Variants in GTF2F2 observed in about 807,000 individuals in gnomAD.
GTF2F2 encodes ATP-dependent helicase GTF2F2.
Under a neutral mutation model 42.2 loss-of-function variants are expected in GTF2F2, and 23 were observed. The ratio of observed to expected loss-of-function variants is 0.55; its 90% CI spans 0.39 to 0.77. The LOEUF (loss-of-function observed/expected upper bound fraction) is 0.77. Ranked by LOEUF, GTF2F2 falls within the 30% of genes least tolerant of loss-of-function variation. The probability of loss-of-function intolerance (pLI) is 0.00; values close to 1 mark genes in which losing one functional copy is unlikely to be tolerated. For synonymous variants in GTF2F2, 105 were observed against 100.8 expected, an observed-to-expected ratio of 1.04 and a Z score of -0.25; for missense variants, 261 against 287.2, an observed-to-expected ratio of 0.91 and a Z score of 0.66.
intron 2 of GTF2F2, among the ~76,000 whole-genome samples, chr13:45,143,081 G>A (rs1870010893): frequency 6.9e-6 from 1 of 144,582 alleles, no homozygotes; most frequent in African/African-American, 2.8e-5. Context: ...AGTGAGACTA[G>A]GATAATCAGA....
chr13:45,127,089 G>A (rs975738470), intron 1 of GTF2F2, among the ~76,000 whole-genome samples: 4 of 152,074 alleles, frequency 2.6e-5, no homozygotes, highest in Non-Finnish European at 5.9e-5. Flanking sequence ...GACTTAATAG[G>A]CCGGGACTTC....
At chr13:45,210,808 G>A (rs557463940) in intron 5 of GTF2F2, among the ~76,000 whole-genome samples, 1 of 152,284 alleles carries the variant, frequency 6.6e-6, no homozygotes, top group South Asian at 2.1e-4. Context: ...AGGAGATATG[G>A]AAAAATTTTA....
At position 45,283,605 on chromosome 13, in the gene GTF2F2, G is replaced by T; in HGVS notation, c.*44G>T. 1 of 1,539,006 alleles carries T rather than the reference G, an allele frequency of 6.5e-7. No homozygotes were observed. Among genetic ancestry groups the T allele is most frequent in the Middle Eastern group, 1.7e-4 (1 of 5,720 alleles). ...TGCTAGTGAAACGACTAGCAGCGAT[G>T]CTATGCAAAAGGCGCTGATACTGGA... On this transcript the variant is annotated 3_prime_UTR_variant, in exon 8 of 8. Coordinates refer to ENST00000340473, the MANE Select transcript of GTF2F2 (RefSeq NM_004128.3).
At chr13:45,232,943 T>C (rs1476528533) in intron 5 of GTF2F2, among the ~76,000 whole-genome samples, 2 of 152,246 alleles carry the variant, frequency 1.3e-5, no homozygotes, top group Non-Finnish European at 2.9e-5. Context: ...GTTTCAAGAA[T>C]CTGATCTAAT....
chr13:45,270,457 C>T (rs1428153109), intron 7 of GTF2F2, among the ~76,000 whole-genome samples: 1 of 152,080 alleles, frequency 6.6e-6, no homozygotes, highest in East Asian at 1.9e-4. Flanking sequence ...CTTTTTACAT[C>T]GCTTAGTGAG....
At chr13:45,268,570 C>CCT (rs1306608700) in intron 7 of GTF2F2, among the ~76,000 whole-genome samples, 2 of 151,954 alleles carry the variant, frequency 1.3e-5, no homozygotes, top group African/African-American at 4.8e-5. Context: ...GCATCAAAGC[C>CCT]TTAGAAACAG....
At chr13:45,202,489 T>A in intron 4 of GTF2F2, among the ~76,000 whole-genome samples, 1 of 152,232 alleles carries the variant, frequency 6.6e-6, no homozygotes, top group Non-Finnish European at 1.5e-5. Context: ...AGTACTCTTG[T>A]ATGTTTCTAT....
intron 5 of GTF2F2, among the ~76,000 whole-genome samples, chr13:45,221,177 C>T (rs1157392651): frequency 6.6e-6 from 1 of 152,062 alleles, no homozygotes; most frequent in Non-Finnish European, 1.5e-5. Flanking sequence ...TCCCTGCCCC[C>T]AGTCTTACCC....
intron 1 of GTF2F2, among the ~76,000 whole-genome samples, chr13:45,123,791 ATTTTTTTT>A (rs201828514): frequency 7.3e-6 from 1 of 136,062 alleles, no homozygotes; most frequent in African/African-American, 2.8e-5. Flanking sequence ...GGAATTTTGA[ATTTTTTTT>A]TTTTTTTTTT....
chr13:45,144,168 C>T lies in GTF2F2; in HGVS notation c.141-5602C>T, dbSNP rs145290401. 5.2e-3 allele frequency among the ~76,000 whole-genome samples: 795 copies of T among 152,072 alleles called. 4 individuals carry two copies. The highest frequency in any genetic ancestry group is 0.018 in the African/African-American group (767 of 41,506). On this transcript the variant is annotated intron_variant, in intron 2 of 7. Coordinates refer to ENST00000340473, the MANE Select transcript of GTF2F2 (RefSeq NM_004128.3). Reference sequence around the variant, plus strand: ...TCGGGAGGCTGAGGCAGGAGAATCGCTTGAACCCGGGGAAGCAGAGGTTTC... The same window carrying T: ...TCGGGAGGCTGAGGCAGGAGAATCGTTTGAACCCGGGGAAGCAGAGGTTTC...
At chr13:45,260,327 A>G (rs1047333062) in intron 6 of GTF2F2, among the ~76,000 whole-genome samples, 4 of 152,222 alleles carry the variant, frequency 2.6e-5, no homozygotes, top group African/African-American at 9.6e-5. Context: ...TACATAGTAT[A>G]AGTATACTAC....
intron 5 of GTF2F2, among the ~76,000 whole-genome samples, chr13:45,230,468 G>T (rs1437699624): frequency 2.6e-5 from 4 of 152,120 alleles, no homozygotes; most frequent in Non-Finnish European, 5.9e-5. Context: ...ATACATTGAG[G>T]TACTTGGTAA....
intron 5 of GTF2F2, among the ~76,000 whole-genome samples, chr13:45,244,599 C>A (rs1159080675): frequency 6.6e-6 from 1 of 152,068 alleles, no homozygotes; most frequent in African/African-American, 2.4e-5. Context: ...TTGACTGTTT[C>A]CTTATAATAG....
chr13:45,253,092 A>T, intron 6 of GTF2F2, 122 bp downstream of exon 6: 1 of 507,994 alleles, frequency 2.0e-6, no homozygotes, highest in Non-Finnish European at 3.5e-6. Flanking sequence ...CTTGAATTAC[A>T]GTACCTGATC....
intron 5 of GTF2F2, among the ~76,000 whole-genome samples, chr13:45,251,643 A>G (rs985121371): frequency 2.0e-5 from 3 of 151,544 alleles, no homozygotes; most frequent in Non-Finnish European, 4.4e-5. Flanking sequence ...ATCGTTTTCA[A>G]TTTTTTTGCT....
chr13:45,229,951 C>T (rs927541373), intron 5 of GTF2F2, among the ~76,000 whole-genome samples: 1 of 152,058 alleles, frequency 6.6e-6, no homozygotes, highest in Admixed American at 6.6e-5. Context: ...TGCGGTGACT[C>T]ACACCTGTAA....
intron 7 of GTF2F2, 47 bp from the exon 8 acceptor site, chr13:45,283,395 C>T: frequency 1.9e-6 from 3 of 1,548,284 alleles, no homozygotes; most frequent in African/African-American, 1.4e-5. Flanking sequence ...AAGTTTTGTC[C>T]CCTGCATTTA....
chr13:45,283,368 G>A (rs917239938), intron 7 of GTF2F2, 74 bp from the exon 8 acceptor site: 1 of 1,330,950 alleles, frequency 7.5e-7, no homozygotes, highest in Non-Finnish European at 1.0e-6. Flanking sequence ...ATGTGCTTTG[G>A]CATATCATCT....
At chr13:45,137,225 T>G (rs1016278234) in intron 2 of GTF2F2, among the ~76,000 whole-genome samples, 2 of 152,180 alleles carry the variant, frequency 1.3e-5, no homozygotes, top group Non-Finnish European at 2.9e-5. Flanking sequence ...TGGAAGTGGG[T>G]GGGGAGTATC....
Sources: gnomAD v4.1 joint callset for allele counts (sites outside exome capture counted in the v4.1 genomes callset) on GRCh38, gnomAD v4.1.1 for gene constraint, MANE v1.5 for transcripts, NCBI Gene and HGNC (gene_info 2026-07-23, HGNC 2026-07-21) for gene names.